The following PRKDC variants were observed in gnomAD, a reference collection of about 807,000 sequenced individuals.
PRKDC encodes protein kinase, DNA-activated, catalytic subunit.
In PRKDC, 82 loss-of-function variants were observed where a neutral mutation model predicts 486.9. That is an observed-to-expected ratio of 0.17 (90% confidence interval 0.14 to 0.20). The LOEUF (loss-of-function observed/expected upper bound fraction) is 0.20. Among genes scored for constraint, PRKDC ranks in the 10% least tolerant of loss-of-function variants. The probability of loss-of-function intolerance (pLI) is 1.00; values close to 1 mark genes in which losing one functional copy is unlikely to be tolerated. For missense variants in PRKDC, 4,504 were observed against 5,038.2 expected (o/e 0.89, Z 3.21); for synonymous variants, 1,895 against 1,837.0 (o/e 1.03, Z -0.81).
chr8:47,808,344 G>A (rs2087257157), intron 68 of PRKDC, among the ~76,000 whole-genome samples: 1 of 151,756 alleles, frequency 6.6e-6, no homozygotes, highest in South Asian at 2.1e-4. Context: ...ACGGAGGCTT[G>A]CTATGTTGCC....
At chr8:47,879,722 TA>T in intron 38 of PRKDC, 64 bp from the exon 39 acceptor site, 1 of 1,320,756 alleles carries the variant, frequency 7.6e-7, no homozygotes, top group Non-Finnish European at 1.0e-6. Flanking sequence ...ACAGAATAAA[TA>T]AAATTACTGT....
chr8:47,913,542 G>A (rs557729368), intron 24 of PRKDC, among the ~76,000 whole-genome samples: 15 of 152,014 alleles, frequency 9.9e-5, no homozygotes, highest in East Asian at 7.7e-4. Context: ...GACTACACTC[G>A]CATGCCAGCA....
intron 53 of PRKDC, 36 bp from the exon 54 acceptor site, chr8:47,849,339 G>A: frequency 6.2e-7 from 1 of 1,613,826 alleles, no homozygotes; most frequent in South Asian, 1.1e-5. Flanking sequence ...GGAGGGCCGA[G>A]GACCCTCCTG....
chr8:47,782,589 T>C lies in PRKDC; in HGVS notation c.11185A>G (p.Met3729Val). 1 of 1,558,094 alleles carries C rather than the reference T, an allele frequency of 6.4e-7. No individual in the cohort carries two copies. The highest frequency in any genetic ancestry group is 8.7e-7 in the Non-Finnish European group (1 of 1,150,980). ...IAGFDERVTV[M>V]ASLRRPKRII... is the part of the protein sequence containing the mutation. ...CGCTTGGGCCTTCGCAGAGACGCCA[T>C]GACTGTCACCTTCAAAAATCAGAAT... Residue 3729 changes from methionine to valine, a missense_variant, in exon 79 of 86, where the codon ATG (methionine) becomes GTG (valine). This residue lies in a region of PRKDC where 706 missense variants were observed against 945.0 expected (regional missense o/e 0.75). Transcript: ENST00000314191. The surrounding 1 kb of genome is among the most constrained non-coding windows in gnomAD (Gnocchi z 4.9).
chr8:47,826,310 G>A (rs2087737113), intron 63 of PRKDC, among the ~76,000 whole-genome samples: 1 of 152,192 alleles, frequency 6.6e-6, no homozygotes, highest in South Asian at 2.1e-4. Flanking sequence ...CCTCCATTCA[G>A]TGTAGTGAAG....
chr8:47,943,333 T>G lies in PRKDC; in HGVS notation c.842A>C (p.Gln281Pro), dbSNP rs1394729337. The G allele has an allele frequency of 5.6e-6, 9 of 1,610,424 alleles. No individual in the cohort carries two copies. In the Admixed American group the frequency reaches 1.5e-4, roughly 27 times the overall value. The change falls in exon 10 of 86, where the codon CAG (glutamine) becomes CCG (proline). Residue 281 changes from glutamine to proline, a missense_variant. Coordinates refer to ENST00000314191, the MANE Select transcript of PRKDC (RefSeq NM_006904.7). ...GTTGTCCAGAAGGCAGGTGCTAAACTGAGATGCATGCAGGGCAAATAGGCG... is the reference window on the plus strand; with the variant it reads ...GTTGTCCAGAAGGCAGGTGCTAAACGGAGATGCATGCAGGGCAAATAGGCG... Reference protein sequence around the residue: ...GLRLFALHASQFSTCLLDNYV... With the variant: ...GLRLFALHASPFSTCLLDNYV...
At position 47,935,904 on chromosome 8, in the gene PRKDC, C is replaced by T. The variant is rs370317167; in HGVS notation, c.1279-4G>A. On this transcript the variant is annotated splice_polypyrimidine_tract_variant and splice_region_variant and intron_variant, in intron 12 of 85. Coordinates refer to ENST00000314191, the MANE Select transcript of PRKDC (RefSeq NM_006904.7). ...CTGGAGTATACACCTCAGGAACCTACCGGAAATAATCAGCAAACCGTGAGT... is the reference window on the plus strand; with the variant it reads ...CTGGAGTATACACCTCAGGAACCTATCGGAAATAATCAGCAAACCGTGAGT... 1.6e-5 allele frequency: 25 copies of T among 1,608,886 alleles called. No individual in the cohort carries two copies. Among genetic ancestry groups the T allele is most frequent in the African/African-American group, 5.3e-5 (4 of 74,800 alleles).
At position 47,820,344 on chromosome 8, in the gene PRKDC, C is replaced by T. The variant is rs534803033; in HGVS notation, c.9336+375G>A. Among the ~76,000 whole-genome samples the T allele has an allele frequency of 1.2e-4, 19 of 152,104 alleles. No individual in the cohort carries two copies. The South Asian group carries it at 3.3e-3, about 27-fold the overall frequency. Reference sequence around the variant, plus strand: ...TGAACCAGATTGCGCCATTGCACTCCACTGTCTAGGCGACAAAAGAGAAAC... The same window carrying T: ...TGAACCAGATTGCGCCATTGCACTCTACTGTCTAGGCGACAAAAGAGAAAC... On this transcript the variant is annotated intron_variant, in intron 66 of 85. Coordinates refer to ENST00000314191, the MANE Select transcript of PRKDC (RefSeq NM_006904.7).
chr8:47,927,642 AGACC>A, intron 20 of PRKDC, 125 bp downstream of exon 20: 1 of 1,230,840 alleles, frequency 8.1e-7, no homozygotes, highest in South Asian at 1.9e-5. Context: ...TGGCAGAAGC[AGACC>A]CTGACCCGGG....
rs8178162 is a variant in PRKDC, at chr8:47,854,043, G to A, written c.6893+40C>T. 3.8e-4 allele frequency: 608 copies of A among 1,608,104 alleles called. 3 individuals are homozygous for A. The African/African-American group carries it at 7.0e-3, about 19-fold the overall frequency. On this transcript the variant is annotated intron_variant, in intron 51 of 85. Transcript: ENST00000314191. ...ATACTGAAGTCTGTCAATCCAGTTT[G>A]GGTAGACGTGACCTAAAAAATAATC...
At chr8:47,920,778 C>T (rs1278234588) in intron 21 of PRKDC, among the ~76,000 whole-genome samples, 1 of 152,110 alleles carries the variant, frequency 6.6e-6, no homozygotes, top group Non-Finnish European at 1.5e-5. Context: ...GCTAACATTA[C>T]TTCTCATAAC....
chr8:47,858,602 T>G lies in PRKDC; in HGVS notation c.6379A>C (p.Lys2127Gln), dbSNP rs1321203413. ...SVPRDLPSWM[K>Q]FLHGKLGNPI... ...TTTCCCAGTTTGCCATGGAGGAATTTCATCCAAGAAGGAAGATCTCTTGGC... is the reference window on the plus strand; with the variant it reads ...TTTCCCAGTTTGCCATGGAGGAATTGCATCCAAGAAGGAAGATCTCTTGGC... Residue 2127 changes from lysine (K) to glutamine (Q), a missense_variant, in exon 48 of 86, where the codon AAA becomes CAA. Lys to Gln is a moderately conservative substitution (Grantham distance 53). Around this residue, in one of 6 missense-constraint regions of PRKDC, gnomAD observed 1,592 missense variants for 1,724.6 expected, o/e 0.92. Coordinates refer to ENST00000314191, the MANE Select transcript of PRKDC (RefSeq NM_006904.7). 1.3e-6 allele frequency: 2 copies of G among 1,555,880 alleles called. No homozygotes were observed. The highest frequency in any genetic ancestry group is 1.7e-6 in the Non-Finnish European group (2 of 1,152,768).
At position 47,854,160 on chromosome 8, in the gene PRKDC, T is replaced by C; in HGVS notation, c.6816A>G (p.Val2272=). 4.3e-6 allele frequency: 7 copies of C among 1,613,678 alleles called. No individual in the cohort carries two copies. Among genetic ancestry groups the C allele is most frequent in the Non-Finnish European group, 5.9e-6 (7 of 1,179,534 alleles). The change falls in exon 51 of 86, where the codon GTA becomes GTG. Residue 2272 remains valine, a synonymous_variant. Transcript: ENST00000314191. ...GKDPNSKDNS[V]GIQLLGIVMA... Reference sequence around the variant, plus strand: ...TCACGATGCCTAGCAATTGAATCCCTACTGAGTTGTCTTTAGAATTAGGAT... The same window carrying C: ...TCACGATGCCTAGCAATTGAATCCCCACTGAGTTGTCTTTAGAATTAGGAT...
intron 40 of PRKDC, among the ~76,000 whole-genome samples, chr8:47,865,153 C>T (rs560932584): frequency 9.0e-4 from 137 of 151,672 alleles, no homozygotes; most frequent in Middle Eastern, 6.8e-3. Flanking sequence ...TTTGGGAGGC[C>T]GAGGCTGGCA....
intron 35 of PRKDC, among the ~76,000 whole-genome samples, chr8:47,887,328 G>C (rs950167211): frequency 1.3e-5 from 2 of 151,994 alleles, no homozygotes; most frequent in South Asian, 4.2e-4. Context: ...AAGTGGGATA[G>C]ACAAAACCTC....
chr8:47,781,750 G>C (rs1209460267), intron 80 of PRKDC, among the ~76,000 whole-genome samples: 1 of 152,164 alleles, frequency 6.6e-6, no homozygotes, highest in African/African-American at 2.4e-5. Context: ...ACACAGGACA[G>C]GTTACTTGAC....
At chr8:47,801,824 C>G (rs1212670581) in intron 70 of PRKDC, among the ~76,000 whole-genome samples, 1 of 152,124 alleles carries the variant, frequency 6.6e-6, no homozygotes, top group Non-Finnish European at 1.5e-5. Context: ...ACTAGGAGGC[C>G]TGATCAACCA....
intron 68 of PRKDC, among the ~76,000 whole-genome samples, chr8:47,811,219 T>C (rs1368607604): frequency 2.0e-5 from 3 of 152,036 alleles, no homozygotes; most frequent in African/African-American, 7.2e-5. Context: ...GCCACAACGA[T>C]GGGAATAACG....
At chr8:47,806,147 G>A (rs2087211954) in intron 69 of PRKDC, among the ~76,000 whole-genome samples, 4 of 152,084 alleles carry the variant, frequency 2.6e-5, no homozygotes, top group Admixed American at 6.6e-5. Context: ...TCTTCCCTGC[G>A]CCCTCCAGGC....
Sources: gnomAD v4.1 joint callset for allele counts (sites outside exome capture counted in the v4.1 genomes callset) on GRCh38, gnomAD v4.1.1 for gene constraint, gnomAD v4.1.1 regional missense constraint, Gnocchi (gnomAD v3.1) non-coding constraint, MANE v1.5 for transcripts, NCBI Gene and HGNC (gene_info 2026-07-23, HGNC 2026-07-21) for gene names.